LRP1B: variants seen among roughly 807,000 people sequenced by gnomAD.
The protein encoded by LRP1B is low-density lipoprotein receptor-related protein 1B.
Under a neutral mutation model 556.6 loss-of-function variants are expected in LRP1B, and 217 were observed. The observed-to-expected ratio is 0.39, with a 90% CI of 0.35 to 0.44. The LOEUF (loss-of-function observed/expected upper bound fraction) is 0.44, where lower values mean the gene tolerates loss of function less well. Ranked by LOEUF, LRP1B falls within the 20% of genes least tolerant of loss-of-function variation. The probability of loss-of-function intolerance (pLI) is 1.00; values close to 1 mark genes in which losing one functional copy is unlikely to be tolerated. For synonymous variants in LRP1B, 2,047 were observed against 1,865.8 expected, an observed-to-expected ratio of 1.10 and a Z score of -2.50; for missense variants, 5,053 against 5,620.8, an observed-to-expected ratio of 0.90 and a Z score of 3.23.
At chr2:141,515,071 C>T (rs534956426) in intron 2 of LRP1B, among the ~76,000 whole-genome samples, 22 of 152,082 alleles carry the variant, frequency 1.4e-4, no homozygotes, top group East Asian at 1.2e-3. Context: ...GGGAGGCTGA[C>T]GCAGGCAGAT....
intron 83 of LRP1B, among the ~76,000 whole-genome samples, chr2:140,306,605 C>G (rs936328184): frequency 3.4e-5 from 5 of 145,908 alleles, no homozygotes; most frequent in African/African-American, 1.2e-4. Flanking sequence ...AAAAAAACAG[C>G]TCCTGGATTC....
At chr2:141,921,775 A>AAAGC (rs1291616146) in intron 1 of LRP1B, among the ~76,000 whole-genome samples, 4 of 152,092 alleles carry the variant, frequency 2.6e-5, no homozygotes, top group Non-Finnish European at 5.9e-5. Flanking sequence ...AATTCAATAG[A>AAAGC]AAGCAAATAT....
At chr2:140,410,901 G>A (rs568611170) in intron 66 of LRP1B, among the ~76,000 whole-genome samples, 16 of 152,182 alleles carry the variant, frequency 1.1e-4, no homozygotes, top group African/African-American at 3.6e-4. Context: ...ACAGGCCTGG[G>A]TTGAACCCTA....
intron 37 of LRP1B, among the ~76,000 whole-genome samples, chr2:140,705,394 T>C (rs1358407482): frequency 6.6e-6 from 1 of 150,940 alleles, no homozygotes; most frequent in African/African-American, 2.4e-5. Flanking sequence ...CATGGTGGCA[T>C]GTGCCTGTAG....
chr2:140,560,762 C>T (rs1397744274), intron 43 of LRP1B, among the ~76,000 whole-genome samples: 1 of 152,080 alleles, frequency 6.6e-6, no homozygotes, highest in African/African-American at 2.4e-5. Flanking sequence ...TTGAAATTCT[C>T]AAACTAATTC....
intron 86 of LRP1B, chr2:140,269,480 G>A (rs945015758): frequency 1.2e-5 from 5 of 417,688 alleles, no homozygotes; most frequent in East Asian, 1.4e-4. Flanking sequence ...ACATTCAAAC[G>A]AAAAGGTTCC....
At chr2:140,349,417 G>A (rs1573828585) in intron 77 of LRP1B, among the ~76,000 whole-genome samples, 2 of 150,852 alleles carry the variant, frequency 1.3e-5, no homozygotes, top group East Asian at 3.9e-4. Context: ...GAATCATCCT[G>A]TTAATAGCAT....
At chr2:141,027,310 A>C (rs1354398610) in intron 11 of LRP1B, among the ~76,000 whole-genome samples, 1 of 152,132 alleles carries the variant, frequency 6.6e-6, no homozygotes, top group Non-Finnish European at 1.5e-5. Context: ...CAGCTTTTGC[A>C]AATGAAAATA....
intron 35 of LRP1B, among the ~76,000 whole-genome samples, chr2:140,768,587 T>C (rs1273873175): frequency 6.6e-6 from 1 of 151,944 alleles, no homozygotes; most frequent in African/African-American, 2.4e-5. Flanking sequence ...CTTCAGTAAA[T>C]TCAACAGTGT....
chr2:141,628,126 T>G (rs1338458734), intron 2 of LRP1B, among the ~76,000 whole-genome samples: 1 of 152,220 alleles, frequency 6.6e-6, no homozygotes, highest in Non-Finnish European at 1.5e-5. Flanking sequence ...TGATTTGCTG[T>G]ACTTACAAAT....
At chr2:140,302,498 A>G (rs1401641254) in intron 83 of LRP1B, among the ~76,000 whole-genome samples, 1 of 152,174 alleles carries the variant, frequency 6.6e-6, no homozygotes, top group Non-Finnish European at 1.5e-5. Context: ...CTAGATAATT[A>G]CTATGATGGT....
chr2:141,014,705 AG>A (rs1474970002), intron 13 of LRP1B, among the ~76,000 whole-genome samples: 1 of 152,066 alleles, frequency 6.6e-6, no homozygotes, highest in Non-Finnish European at 1.5e-5. Flanking sequence ...ACCTTTATGT[AG>A]GCCAAAATGT....
At chr2:140,815,631 G>A (rs1194698818) in intron 31 of LRP1B, among the ~76,000 whole-genome samples, 2 of 152,026 alleles carry the variant, frequency 1.3e-5, no homozygotes, top group Non-Finnish European at 1.5e-5. Flanking sequence ...CTGGGCACTG[G>A]TTATATAGGC....
chr2:141,478,451 A>C (rs1429674994), intron 3 of LRP1B, among the ~76,000 whole-genome samples: 7 of 152,330 alleles, frequency 4.6e-5, no homozygotes, highest in African/African-American at 1.7e-4. Flanking sequence ...TATAATATCC[A>C]AAAAGAAAAT....
At chr2:141,159,945 G>C (rs529154047) in intron 7 of LRP1B, among the ~76,000 whole-genome samples, 50 of 152,124 alleles carry the variant, frequency 3.3e-4, no homozygotes, top group African/African-American at 1.2e-3. Context: ...TGAACATTGA[G>C]AACACATGGA....
chr2:141,650,866 T>A (rs1689761246), intron 2 of LRP1B, among the ~76,000 whole-genome samples: 1 of 152,218 alleles, frequency 6.6e-6, no homozygotes, highest in African/African-American at 2.4e-5. Flanking sequence ...TTCTACTTAA[T>A]TTATAGTTTA....
At chr2:141,932,432 G>T (rs886239055) in intron 1 of LRP1B, among the ~76,000 whole-genome samples, 1 of 151,972 alleles carries the variant, frequency 6.6e-6, no homozygotes, top group Non-Finnish European at 1.5e-5. Context: ...TGATGACTTT[G>T]GGCCTCTGAA....
intron 32 of LRP1B, among the ~76,000 whole-genome samples, chr2:140,812,617 A>T (rs1690968386): frequency 6.6e-6 from 1 of 151,998 alleles, no homozygotes. Context: ...ATCAAAAAAA[A>T]ACCTCACAAA....
chr2:140,446,809 A>G (rs1686677576), intron 63 of LRP1B, among the ~76,000 whole-genome samples: 1 of 152,176 alleles, frequency 6.6e-6, no homozygotes, highest in Non-Finnish European at 1.5e-5. Context: ...AGGCAACAAA[A>G]GCAAACACAG....
Sources: allele counts gnomAD v4.1 joint callset (sites outside exome capture counted in the v4.1 genomes callset), GRCh38; gene constraint gnomAD v4.1.1; transcripts MANE v1.5; gene names NCBI Gene and HGNC (gene_info 2026-07-23, HGNC 2026-07-21).